The following RNF212 variants were observed in gnomAD, a reference collection of about 807,000 sequenced individuals.
RNF212 encodes the protein probable E3 SUMO-protein ligase RNF212.
A neutral mutation model predicts 34.7 loss-of-function variants in RNF212; 33 were observed. That is an observed-to-expected ratio of 0.95 (90% CI 0.72 to 1.27). The LOEUF is 1.27. Among genes scored for constraint, RNF212 ranks in the 50% most tolerant of loss-of-function variants. RNF212 has a pLI of 0.00. For synonymous variants in RNF212, 140 were observed against 136.1 expected (o/e 1.03, Z -0.20); for missense variants, 377 against 362.2 (o/e 1.04, Z -0.33).
intron 3 of RNF212, chr4:1,093,363 G>C: frequency 8.3e-7 from 1 of 1,201,236 alleles, no homozygotes; most frequent in Non-Finnish European, 1.1e-6. Context: ...TCCATGATGT[G>C]TTAACATATT....
At chr4:1,106,636 CAAGA>C (rs1724875290) in intron 2 of RNF212, among the ~76,000 whole-genome samples, 1 of 152,094 alleles carries the variant, frequency 6.6e-6, no homozygotes, top group South Asian at 2.1e-4. Context: ...TACTAGGAAA[CAAGA>C]AAGTAAGTAA....
chr4:1,058,605 G>A (rs1479969998), intron 3 of RNF212, among the ~76,000 whole-genome samples: 1 of 152,166 alleles, frequency 6.6e-6, no homozygotes, highest in Non-Finnish European at 1.5e-5. Flanking sequence ...GAAGCCCTGG[G>A]TCTTCCACAT....
chr4:1,072,450 T>C lies in RNF212; in HGVS notation c.*424A>G, dbSNP rs896078014. 4 of 174,598 alleles carry C rather than the reference T, an allele frequency of 2.3e-5. No individual in the cohort carries two copies. Among genetic ancestry groups the C allele is most frequent in the East Asian group, 1.7e-4 (1 of 5,886 alleles). The allele number at this position is 174,598 out of a possible 1,614,324, so 10.8% of individuals were successfully genotyped here. Reference sequence around the variant, plus strand: ...AAGTAGGATCATCAGTTTTAACACATGGACTGCTCTGGTGGAGGATGAGGA... The same window carrying C: ...AAGTAGGATCATCAGTTTTAACACACGGACTGCTCTGGTGGAGGATGAGGA... On this transcript the variant is annotated 3_prime_UTR_variant, in exon 10 of 10. Transcript: ENST00000433731.
chr4:1,106,817 TA>T (rs1724905020), intron 2 of RNF212, among the ~76,000 whole-genome samples: 1 of 152,256 alleles, frequency 6.6e-6, no homozygotes, highest in Admixed American at 6.5e-5. Flanking sequence ...TATTTTCTGT[TA>T]AAAGTGCAAA....
intron 3 of RNF212, among the ~76,000 whole-genome samples, chr4:1,061,121 G>A (rs527921562): frequency 1.2e-4 from 19 of 152,260 alleles, no homozygotes; most frequent in African/African-American, 2.2e-4. Context: ...TGGGAGGAGC[G>A]GGACTTGGCT....
chr4:1,071,882 CCT>C lies in RNF212; in HGVS notation c.*990_*991del, dbSNP rs1718532263. On this transcript the variant is annotated 3_prime_UTR_variant, in exon 10 of 10. Transcript: ENST00000433731. ...GGCAATTTCTTTCAAAACTAAACAC[CCT>C]CTCACCATCTGATCCAGCATTCACA... The C allele has an allele frequency of 6.6e-6, 1 of 152,146 alleles. No homozygotes were observed. The highest frequency in any genetic ancestry group is 1.5e-5 in the Non-Finnish European group (1 of 68,040). The allele number at this position is 152,146 out of a possible 1,614,324, so 9.4% of individuals were successfully genotyped here.
chr4:1,072,772 T>C lies in RNF212; in HGVS notation c.*102A>G. 3 of 1,460,834 alleles carry C rather than the reference T, an allele frequency of 2.1e-6. No individual in the cohort carries two copies. In the South Asian group the frequency reaches 4.4e-5, roughly 22 times the overall value. The allele number at this position is 1,460,834 out of a possible 1,614,324, so 90.5% of individuals were successfully genotyped here. On this transcript the variant is annotated 3_prime_UTR_variant, in exon 10 of 10. Coordinates refer to ENST00000433731, the MANE Select transcript of RNF212 (RefSeq NM_001131034.4). ...GGTTAATATCCTGCACACTGAGGGC[T>C]TCCACATAAATGACAAAGGAATAAA...
At chr4:1,106,029 T>C (rs1724764968) in intron 2 of RNF212, among the ~76,000 whole-genome samples, 1 of 152,060 alleles carries the variant, frequency 6.6e-6, no homozygotes. Context: ...TCCTGGAAAG[T>C]TGGGATGCAT....
In RNF212 at chr4:1,113,495, G is replaced by GGCCCACGCGAA. The variant is rs775576295; in HGVS notation, c.-42_-32dup. 2.2e-5 allele frequency: 35 copies of GGCCCACGCGAA among 1,578,264 alleles called. No homozygotes were observed. The highest frequency in any genetic ancestry group is 1.2e-4 in the African/African-American group (9 of 73,318). ...GCGGGCGACCGCAGCGGCGAGGCCG[G>GGCCCACGCGAA]GCCCACGCGAAGCCCACGCAAGGTT... On this transcript the variant is annotated 5_prime_UTR_variant, in exon 1 of 10. Coordinates refer to ENST00000433731, the MANE Select transcript of RNF212 (RefSeq NM_001131034.4).
Position 1,081,483 on chromosome 4 carries a change from C to T in RNF212, c.416-16G>A, listed in dbSNP as rs2290407. On this transcript the variant is annotated splice_polypyrimidine_tract_variant and intron_variant, in intron 6 of 9. Coordinates refer to ENST00000433731, the MANE Select transcript of RNF212 (RefSeq NM_001131034.4). Reference sequence around the variant, plus strand: ...TGTGGTTTTGCTGGAAGAGTGATGACGAAAATGCCAGCGTCAGTGCACACA... The same window carrying T: ...TGTGGTTTTGCTGGAAGAGTGATGATGAAAATGCCAGCGTCAGTGCACACA... The T allele has an allele frequency of 0.13, 215,020 of 1,612,658 alleles. 15,755 individuals carry two copies. The highest frequency in any genetic ancestry group is 0.29 in the East Asian group (13,098 of 44,830).
intron 4 of RNF212, among the ~76,000 whole-genome samples, chr4:1,086,303 A>C (rs1721152934): frequency 6.6e-6 from 1 of 151,906 alleles, no homozygotes. Flanking sequence ...AGCTCATCCC[A>C]CGGCACAGCC....
At chr4:1,088,750 C>G (rs1721731344) in intron 4 of RNF212, among the ~76,000 whole-genome samples, 1 of 152,236 alleles carries the variant, frequency 6.6e-6, no homozygotes, top group Non-Finnish European at 1.5e-5. Context: ...ACATGGTGCC[C>G]TGCATCCTGG....
At chr4:1,092,756 C>A (rs142214972) in intron 3 of RNF212, among the ~76,000 whole-genome samples, 2 of 152,240 alleles carry the variant, frequency 1.3e-5, no homozygotes, top group African/African-American at 4.8e-5. Flanking sequence ...AAGAGCTGCC[C>A]GGTGCTCACG....
chr4:1,097,756 T>C (rs1394930712), intron 2 of RNF212, among the ~76,000 whole-genome samples: 1 of 152,136 alleles, frequency 6.6e-6, no homozygotes, highest in Non-Finnish European at 1.5e-5. Flanking sequence ...GGCATGGAGC[T>C]GCCGTGAGCT....
At chr4:1,113,580 A>ACGGG, upstream of RNF212, 1 of 737,076 alleles carries the variant, frequency 1.4e-6, no homozygotes. Context: ...CGCAAAGTCG[A>ACGGG]CGGCAGCCCT....
chr4:1,103,734 G>T lies in RNF212; in HGVS notation c.171+4609C>A, dbSNP rs180705656. On this transcript the variant is annotated intron_variant, in intron 2 of 9. Transcript: ENST00000433731. Reference sequence around the variant, plus strand: ...ATTAACAAAATTCAATACCATTCATGATGATTAAAAAAGAAACCTTAGCAA... The same window carrying T: ...ATTAACAAAATTCAATACCATTCATTATGATTAAAAAAGAAACCTTAGCAA... Among the ~76,000 whole-genome samples the T allele has an allele frequency of 4.4e-4, 67 of 152,258 alleles. No individual in the cohort carries two copies. In the East Asian group the frequency reaches 0.013, roughly 28 times the overall value.
chr4:1,061,200 A>G (rs888279290), intron 3 of RNF212, among the ~76,000 whole-genome samples: 2 of 152,196 alleles, frequency 1.3e-5, no homozygotes, highest in Non-Finnish European at 2.9e-5. Flanking sequence ...ATCCAGCAGC[A>G]TATAAGCAGC....
At chr4:1,057,190 G>A (rs1440026452) in intron 4 of RNF212, among the ~76,000 whole-genome samples, 2 of 152,164 alleles carry the variant, frequency 1.3e-5, no homozygotes, top group Non-Finnish European at 2.9e-5. Context: ...TGCAGGGCCC[G>A]TGGGCACCCA....
At chr4:1,100,962 G>A in intron 2 of RNF212, 1 of 178,734 alleles carries the variant, frequency 5.6e-6, no homozygotes. Flanking sequence ...TTCTGCGGCT[G>A]AAATCACCTG....
Sources: gnomAD v4.1 joint callset for allele counts (sites outside exome capture counted in the v4.1 genomes callset) on GRCh38, gnomAD v4.1.1 for gene constraint, MANE v1.5 for transcripts, NCBI Gene and HGNC (gene_info 2026-07-23, HGNC 2026-07-21) for gene names.